Variants in MDGA2 observed in about 807,000 individuals in gnomAD.
The protein encoded by MDGA2 is MAM domain-containing glycosylphosphatidylinositol anchor protein 2.
MDGA2 carries 40 observed loss-of-function variants against 117.8 expected under a neutral mutation model. The observed-to-expected ratio is 0.34, with a 90% confidence interval of 0.26 to 0.44. The LOEUF (loss-of-function observed/expected upper bound fraction) is 0.44. Ranked by LOEUF, MDGA2 falls within the 20% of genes least tolerant of loss-of-function variation. The pLI, the probability that MDGA2 is intolerant of heterozygous loss-of-function variation, is 1.00. For missense variants in MDGA2, 1,123 were observed against 1,250.6 expected (o/e 0.90, Z 1.54); for synonymous variants, 452 against 439.0 (o/e 1.03, Z -0.37).
intron 1 of MDGA2, among the ~76,000 whole-genome samples, chr14:47,452,803 A>G (rs1594864095): frequency 6.6e-6 from 1 of 152,098 alleles, no homozygotes; most frequent in African/African-American, 2.4e-5. Flanking sequence ...CAAAATAGCT[A>G]AGAAATTTTT....
chr14:46,874,281 A>T, intron 12 of MDGA2, 81 bp from the exon 13 acceptor site: 4 of 648,628 alleles, frequency 6.2e-6, no homozygotes, highest in Non-Finnish European at 9.0e-6. Flanking sequence ...AATGTAAAAT[A>T]TTACATAGCA....
At chr14:47,105,930 C>T (rs1880641272) in intron 5 of MDGA2, among the ~76,000 whole-genome samples, 1 of 148,050 alleles carries the variant, frequency 6.8e-6, no homozygotes, top group African/African-American at 2.5e-5. Context: ...TTATCACCTC[C>T]CCTCCTCACA....
At chr14:47,311,128 C>T (rs943643335) in intron 1 of MDGA2, among the ~76,000 whole-genome samples, 4 of 152,092 alleles carry the variant, frequency 2.6e-5, no homozygotes, top group Non-Finnish European at 5.9e-5. Flanking sequence ...TCTCTGTAGA[C>T]TGAAATGTAT....
rs1884067335 is a variant in MDGA2, at chr14:46,920,096, A to T, written c.2154T>A (p.Arg718=). ...TYNPVWQNRH[R]VYSYSLQWTQ... ...TCCACTGTAGACTGTAAGAATAAAC[A>T]CGGTGTCTGTTCTGCCATACTGGAT... Residue 718 remains arginine (R), a synonymous_variant, in exon 10 of 17, where the codon CGT becomes CGA. Coordinates refer to ENST00000399232, the MANE Select transcript of MDGA2 (RefSeq NM_001113498.3). 36 of 1,611,842 alleles carry T rather than the reference A, an allele frequency of 2.2e-5. No homozygotes were observed. The highest frequency in any genetic ancestry group is 2.9e-5 in the Non-Finnish European group (34 of 1,179,064).
intron 1 of MDGA2, among the ~76,000 whole-genome samples, chr14:47,465,003 C>A (rs1440815517): frequency 6.6e-6 from 1 of 152,004 alleles, no homozygotes; most frequent in East Asian, 1.9e-4. Flanking sequence ...CAAAAACAGG[C>A]ACCTACATGA....
intron 1 of MDGA2, among the ~76,000 whole-genome samples, chr14:47,375,626 C>CA (rs1891460707): frequency 6.6e-6 from 1 of 152,044 alleles, no homozygotes; most frequent in Non-Finnish European, 1.5e-5. Flanking sequence ...CATCTAATGA[C>CA]ATCTTACTCG....
chr14:47,043,395 C>T (rs111506285), intron 7 of MDGA2, among the ~76,000 whole-genome samples: 83 of 152,052 alleles, frequency 5.5e-4, no homozygotes, highest in African/African-American at 1.9e-3. Context: ...TAATATGCAG[C>T]ACCTAAATTT....
chr14:47,023,246 T>G (rs893368791), intron 8 of MDGA2, among the ~76,000 whole-genome samples: 1 of 148,388 alleles, frequency 6.7e-6, no homozygotes, highest in African/African-American at 2.5e-5. Flanking sequence ...AAAGTTCATC[T>G]GACAGCAATG....
intron 3 of MDGA2, among the ~76,000 whole-genome samples, chr14:47,198,376 T>C (rs1885365283): frequency 6.6e-6 from 1 of 152,084 alleles, no homozygotes; most frequent in South Asian, 2.1e-4. Flanking sequence ...ATCGAGACCA[T>C]GATGGCTAAT....
chr14:47,251,144 A>C (rs1275592288), intron 2 of MDGA2, among the ~76,000 whole-genome samples: 1 of 152,220 alleles, frequency 6.6e-6, no homozygotes, highest in Non-Finnish European at 1.5e-5. Flanking sequence ...ATGCCTACAG[A>C]AACTTTGACT....
chr14:47,426,229 C>T (rs1004101545), intron 1 of MDGA2, among the ~76,000 whole-genome samples: 7 of 152,048 alleles, frequency 4.6e-5, no homozygotes, highest in Non-Finnish European at 1.0e-4. Context: ...TAAATTTTTG[C>T]TAATTTGACT....
At chr14:46,923,483 T>C (rs766689832) in intron 9 of MDGA2, among the ~76,000 whole-genome samples, 3 of 152,070 alleles carry the variant, frequency 2.0e-5, no homozygotes, top group Admixed American at 6.5e-5. Flanking sequence ...GATTAGAAAA[T>C]AAAGTTTTTT....
chr14:46,881,942 G>T, intron 11 of MDGA2, 102 bp downstream of exon 11: 1 of 682,676 alleles, frequency 1.5e-6, no homozygotes. Flanking sequence ...AAGTCAATAT[G>T]CTAAGTTTTA....
chr14:47,467,075 C>T (rs1235048398), intron 1 of MDGA2, among the ~76,000 whole-genome samples: 1 of 152,036 alleles, frequency 6.6e-6, no homozygotes, highest in Non-Finnish European at 1.5e-5. Flanking sequence ...GGAAGTAACT[C>T]TATTCTTTAA....
intron 10 of MDGA2, among the ~76,000 whole-genome samples, chr14:46,885,864 A>G (rs1467706870): frequency 1.3e-5 from 2 of 152,148 alleles, no homozygotes; most frequent in African/African-American, 4.8e-5. Flanking sequence ...TCACATCTGA[A>G]GGACTCTGAG....
At chr14:47,405,247 T>C (rs141751464) in intron 1 of MDGA2, among the ~76,000 whole-genome samples, 192 of 152,308 alleles carry the variant, frequency 1.3e-3, no homozygotes, top group Middle Eastern at 6.8e-3. Context: ...CTTACAGTTC[T>C]TAATTGAATT....
At chr14:46,851,401 C>T (rs553238669) in intron 15 of MDGA2, among the ~76,000 whole-genome samples, 1 of 151,714 alleles carries the variant, frequency 6.6e-6, no homozygotes, top group Non-Finnish European at 1.5e-5. Context: ...CTAATTTTTC[C>T]CAATGTAGCA....
In MDGA2 at chr14:47,280,227, T is replaced by A. The variant is rs187974910; in HGVS notation, c.420+21184A>T. Among the ~76,000 whole-genome samples, 330 of 138,228 alleles carry A rather than the reference T, an allele frequency of 2.4e-3. 1 individual carries two copies. The highest frequency in any genetic ancestry group is 3.3e-3 in the Non-Finnish European group (220 of 66,410). 90.7% of individuals were successfully genotyped at this position (138,228 alleles called of 152,430 possible). Reference sequence around the variant, plus strand: ...TACTCGGGACGCTGAGGCAGGAGAATCACTTGCACCCGGGAGGCAGAGGTT... The same window carrying A: ...TACTCGGGACGCTGAGGCAGGAGAAACACTTGCACCCGGGAGGCAGAGGTT... On this transcript the variant is annotated intron_variant, in intron 2 of 16. Transcript: ENST00000399232.
intron 8 of MDGA2, among the ~76,000 whole-genome samples, chr14:47,023,473 G>GA (rs1340959041): frequency 6.6e-6 from 1 of 152,058 alleles, no homozygotes; most frequent in Non-Finnish European, 1.5e-5. Flanking sequence ...TTAATCCTCA[G>GA]AAAAATCCAT....
Sources: gnomAD v4.1 joint callset for allele counts (sites outside exome capture counted in the v4.1 genomes callset) on GRCh38, gnomAD v4.1.1 for gene constraint, MANE v1.5 for transcripts, NCBI Gene and HGNC (gene_info 2026-07-23, HGNC 2026-07-21) for gene names.